CNTNAP2: variants seen among roughly 807,000 people sequenced by gnomAD.
CNTNAP2 encodes contactin associated protein 2.
In CNTNAP2, 98 loss-of-function variants were observed where a neutral mutation model predicts 155.2. The ratio of observed to expected loss-of-function variants is 0.63; its 90% CI spans 0.54 to 0.75. The LOEUF is 0.75. CNTNAP2 is among the 30% of genes least tolerant of loss of function. The pLI, the probability that CNTNAP2 is intolerant of heterozygous loss-of-function variation, is 0.00. For synonymous variants in CNTNAP2, 651 were observed against 631.2 expected, an observed-to-expected ratio of 1.03 and a Z score of -0.47; for missense variants, 1,727 against 1,688.1, an observed-to-expected ratio of 1.02 and a Z score of -0.40.
chr7:147,362,923 G>T (rs573901742), intron 9 of CNTNAP2, among the ~76,000 whole-genome samples: 2 of 152,270 alleles, frequency 1.3e-5, no homozygotes, highest in East Asian at 3.9e-4. Context: ...AATTGAGTTG[G>T]AAATGACTTC....
rs1209380248 is a variant in CNTNAP2 at position 148,187,142 on chromosome 7, ACACAC to A, written c.3010+14665_3010+14669del. ...CACACACACACACACACACACACACACACACAAACAGAGCCAGGTGTGAGCTGGAC... is the reference window on the plus strand; with the variant it reads ...CACACACACACACACACACACACACAAAACAGAGCCAGGTGTGAGCTGGAC... On this transcript the variant is annotated intron_variant, in intron 18 of 23. Coordinates refer to ENST00000361727, the MANE Select transcript of CNTNAP2 (RefSeq NM_014141.6). 0.013 allele frequency among the ~76,000 whole-genome samples: 1,927 copies of A among 149,812 alleles called. 69 individuals are homozygous for A. The East Asian group carries it at 0.13, about 10-fold the overall frequency.
chr7:148,370,898 C>T (rs1282090319), intron 21 of CNTNAP2, among the ~76,000 whole-genome samples: 1 of 152,300 alleles, frequency 6.6e-6, no homozygotes, highest in Non-Finnish European at 1.5e-5. Flanking sequence ...AGAGTCTTCT[C>T]TTCCCCACAT....
intron 14 of CNTNAP2, among the ~76,000 whole-genome samples, chr7:147,920,109 A>C (rs1034401991): frequency 7.9e-5 from 12 of 151,768 alleles, no homozygotes; most frequent in African/African-American, 2.9e-4. Flanking sequence ...CTGTAATCCC[A>C]GCACTTTGGG....
intron 3 of CNTNAP2, among the ~76,000 whole-genome samples, chr7:147,039,048 A>G (rs1477170100): frequency 6.6e-6 from 1 of 152,180 alleles, no homozygotes; most frequent in Non-Finnish European, 1.5e-5. Context: ...CAGTATGCTC[A>G]TGCCATTTGC....
chr7:147,668,162 G>T (rs1795730100), intron 13 of CNTNAP2, among the ~76,000 whole-genome samples: 1 of 151,946 alleles, frequency 6.6e-6, no homozygotes, highest in South Asian at 2.1e-4. Flanking sequence ...AAAGGAAACT[G>T]CAGGAGAAGA....
At chr7:146,868,337 G>C (rs372603972) in intron 3 of CNTNAP2, among the ~76,000 whole-genome samples, 4 of 151,908 alleles carry the variant, frequency 2.6e-5, no homozygotes, top group East Asian at 3.9e-4. Flanking sequence ...AGATGTGTGG[G>C]CTTACTTCTG....
intron 15 of CNTNAP2, among the ~76,000 whole-genome samples, chr7:148,081,633 A>T (rs2116548329): frequency 6.6e-6 from 1 of 151,456 alleles, no homozygotes; most frequent in Admixed American, 6.6e-5. Context: ...TTAATATTTA[A>T]TAAATTTCCA....
chr7:146,796,964 G>T (rs1431360162), intron 2 of CNTNAP2, among the ~76,000 whole-genome samples: 1 of 151,966 alleles, frequency 6.6e-6, no homozygotes, highest in Non-Finnish European at 1.5e-5. Flanking sequence ...GTGAAACCCT[G>T]TCTCTACTAA....
At chr7:148,174,011 C>T (rs1794884724) in intron 18 of CNTNAP2, among the ~76,000 whole-genome samples, 1 of 152,212 alleles carries the variant, frequency 6.6e-6, no homozygotes. Flanking sequence ...GGCATATCCT[C>T]TCCAGGTTAG....
At chr7:146,357,293 C>T (rs1202490112) in intron 1 of CNTNAP2, among the ~76,000 whole-genome samples, 1 of 150,156 alleles carries the variant, frequency 6.7e-6, no homozygotes, top group Non-Finnish European at 1.5e-5. Context: ...ACGTCTCTTG[C>T]ATGAGTCAGT....
intron 1 of CNTNAP2, among the ~76,000 whole-genome samples, chr7:146,486,096 G>A (rs1396288700): frequency 1.0e-4 from 11 of 105,400 alleles, no homozygotes; most frequent in African/African-American, 3.8e-4. Context: ...ACAGAGTTTC[G>A]CTGTGTCGCC....
intron 13 of CNTNAP2, among the ~76,000 whole-genome samples, chr7:147,807,518 G>A (rs1218524191): frequency 6.6e-6 from 1 of 151,892 alleles, no homozygotes; most frequent in Non-Finnish European, 1.5e-5. Flanking sequence ...AAAAATTAAA[G>A]CTAAATTTTA....
chr7:147,028,447 G>T (rs537882164), intron 3 of CNTNAP2, among the ~76,000 whole-genome samples: 1 of 152,112 alleles, frequency 6.6e-6, no homozygotes, highest in Non-Finnish European at 1.5e-5. Flanking sequence ...AAGACTTTAG[G>T]CTTGTTTCAT....
intron 9 of CNTNAP2, among the ~76,000 whole-genome samples, chr7:147,344,446 C>G (rs1488718841): frequency 1.3e-5 from 2 of 152,008 alleles, no homozygotes; most frequent in Non-Finnish European, 2.9e-5. Flanking sequence ...TTAGAAAACT[C>G]GAAAGACAGA....
At chr7:147,668,676 A>G (rs1795739009) in intron 13 of CNTNAP2, among the ~76,000 whole-genome samples, 2 of 152,190 alleles carry the variant, frequency 1.3e-5, no homozygotes, top group African/African-American at 4.8e-5. Flanking sequence ...TAAAGAAAGA[A>G]AATATTTTTG....
At chr7:147,891,076 T>A (rs978356586) in intron 13 of CNTNAP2, among the ~76,000 whole-genome samples, 2 of 151,582 alleles carry the variant, frequency 1.3e-5, no homozygotes, top group African/African-American at 2.4e-5. Flanking sequence ...TAAAAACTAT[T>A]TTTTTTAAAA....
intron 1 of CNTNAP2, among the ~76,000 whole-genome samples, chr7:146,372,767 G>T (rs1316357510): frequency 2.0e-5 from 3 of 152,078 alleles, no homozygotes; most frequent in African/African-American, 7.2e-5. Context: ...CAGCTCAAAT[G>T]ATCATTTGAA....
intron 3 of CNTNAP2, among the ~76,000 whole-genome samples, chr7:147,010,921 G>A (rs1196991089): frequency 6.6e-6 from 1 of 152,016 alleles, no homozygotes; most frequent in African/African-American, 2.4e-5. Flanking sequence ...GGGAAGAAAT[G>A]GTACCTTCCA....
At chr7:146,341,401 A>G (rs182160244) in intron 1 of CNTNAP2, among the ~76,000 whole-genome samples, 4 of 152,196 alleles carry the variant, frequency 2.6e-5, no homozygotes, top group Non-Finnish European at 5.9e-5. Flanking sequence ...GATTGTAAGT[A>G]CTTTCCATTA....
Sources: allele counts gnomAD v4.1 joint callset (sites outside exome capture counted in the v4.1 genomes callset), GRCh38; gene constraint gnomAD v4.1.1; transcripts MANE v1.5; gene names NCBI Gene and HGNC (gene_info 2026-07-23, HGNC 2026-07-21).